The following NTN1 variants were observed in gnomAD, a reference collection of about 807,000 sequenced individuals.
NTN1 encodes the protein netrin 1, also known as netrin-1.
NTN1 carries 11 observed loss-of-function variants against 54.2 expected under a neutral mutation model. The observed-to-expected ratio is 0.20, with a 90% CI of 0.13 to 0.34. NTN1 has a LOEUF of 0.34. NTN1 is among the 10% of genes least tolerant of loss of function. NTN1 has a pLI of 1.00. For missense variants in NTN1, 740 were observed against 893.1 expected (o/e 0.83, Z 2.18); for synonymous variants, 371 against 382.0 (o/e 0.97, Z 0.33).
chr17:9,234,367 C>T (rs1309684093), intron 6 of NTN1, among the ~76,000 whole-genome samples: 1 of 152,220 alleles, frequency 6.6e-6, no homozygotes, highest in East Asian at 1.9e-4. Flanking sequence ...GTTTACTGCA[C>T]AGACGAGGGG....
intron 2 of NTN1, among the ~76,000 whole-genome samples, chr17:9,123,703 T>C (rs2092237669): frequency 1.3e-5 from 2 of 152,216 alleles, no homozygotes; most frequent in African/African-American, 2.4e-5. Flanking sequence ...CACCACTTAC[T>C]ACCCAGTGTG....
chr17:9,152,030 A>G (rs1265700905), intron 2 of NTN1, among the ~76,000 whole-genome samples: 1 of 151,810 alleles, frequency 6.6e-6, no homozygotes, highest in Non-Finnish European at 1.5e-5. Context: ...GGCAGGGACA[A>G]ATAAGGGAAT....
At chr17:9,018,623 TA>T (rs57153983), upstream of NTN1, among the ~76,000 whole-genome samples, 47,752 of 112,266 alleles carry the variant, frequency 0.43, 9,892 homozygotes, top group African/African-American at 0.58. Context: ...GACTCCATCT[TA>T]AAAAAAAAAA....
At chr17:9,182,886 C>T (rs1050690349) in intron 4 of NTN1, 30 bp from the exon 5 acceptor site, 8 of 1,612,200 alleles carry the variant, frequency 5.0e-6, no homozygotes, top group Admixed American at 3.3e-5. Flanking sequence ...TTTCTCTCCT[C>T]CCCTCGCCCC....
At chr17:9,166,220 C>T (rs1397197516) in intron 3 of NTN1, among the ~76,000 whole-genome samples, 1 of 130,748 alleles carries the variant, frequency 7.6e-6, no homozygotes, top group African/African-American at 2.9e-5. Flanking sequence ...GCACCTCCTG[C>T]CTTGTATTCC....
intron 6 of NTN1, among the ~76,000 whole-genome samples, chr17:9,227,377 CA>C (rs1905611169): frequency 1.9e-5 from 1 of 53,264 alleles, no homozygotes; most frequent in South Asian, 5.9e-4. Flanking sequence ...CACACCATCA[CA>C]CACCACACAC....
intron 2 of NTN1, among the ~76,000 whole-genome samples, chr17:9,070,237 T>C (rs1347415419): frequency 6.6e-6 from 1 of 152,170 alleles, no homozygotes; most frequent in Non-Finnish European, 1.5e-5. Context: ...TTAAATGAGT[T>C]AATTCAGGGG....
chr17:9,225,711 A>G (rs9894834), intron 6 of NTN1, among the ~76,000 whole-genome samples: 82,887 of 151,428 alleles, frequency 0.55, 22,593 homozygotes, highest in East Asian at 0.61. Context: ...AGGCCGCCAA[A>G]CCGGGCGGGC....
At chr17:9,112,669 C>A (rs1012365384) in intron 2 of NTN1, among the ~76,000 whole-genome samples, 1 of 151,308 alleles carries the variant, frequency 6.6e-6, no homozygotes. Context: ...ACTAAAAATA[C>A]AAAAAATTAG....
intron 2 of NTN1, among the ~76,000 whole-genome samples, chr17:9,102,450 C>T (rs1378580838): frequency 6.6e-6 from 1 of 152,142 alleles, no homozygotes; most frequent in South Asian, 2.1e-4. Context: ...GGAAACTGCC[C>T]CCATGATTCA....
rs59456522 is a variant in NTN1, at chr17:9,114,166, A to ATATATAT, written c.1019-48647_1019-48646insTATATAT. 4.5e-3 allele frequency among the ~76,000 whole-genome samples: 335 copies of ATATATAT among 74,508 alleles called. 6 individuals are homozygous for ATATATAT. Among genetic ancestry groups the ATATATAT allele is most frequent in the African/African-American group, 0.013 (224 of 17,108 alleles). 48.9% of individuals were successfully genotyped at this position (74,508 alleles called of 152,430 possible). On this transcript the variant is annotated intron_variant, in intron 2 of 6. Transcript: ENST00000173229. Reference sequence around the variant, plus strand: ...GCCAAAAAAAAAGAAAAAAAAAAAAAATATATATATATATATATATGATTC... The same window carrying ATATATAT: ...GCCAAAAAAAAAGAAAAAAAAAAAAATATATATATATATATATATATATATATGATTC...
At chr17:9,088,553 G>A (rs1296865916) in intron 2 of NTN1, among the ~76,000 whole-genome samples, 2 of 152,106 alleles carry the variant, frequency 1.3e-5, no homozygotes, top group Non-Finnish European at 2.9e-5. Context: ...CAGACGGATG[G>A]GTGGATGGGC....
At chr17:9,041,893 C>T (rs993580893) in intron 2 of NTN1, among the ~76,000 whole-genome samples, 4 of 151,976 alleles carry the variant, frequency 2.6e-5, no homozygotes, top group Admixed American at 1.3e-4. Flanking sequence ...TCTGTAGTCC[C>T]AGCCACTCGG....
At chr17:9,043,421 T>C (rs2151513841) in intron 2 of NTN1, among the ~76,000 whole-genome samples, 1 of 152,334 alleles carries the variant, frequency 6.6e-6, no homozygotes, top group Non-Finnish European at 1.5e-5. Flanking sequence ...AGTTAAGAAA[T>C]TTAGCTTGCC....
At chr17:9,005,474 G>A in the NTN1 span, among the ~76,000 whole-genome samples, 809 of 119,582 alleles carry the variant, frequency 6.8e-3, 7 homozygotes, top group African/African-American at 0.024. Context: ...CCTCCCCACC[G>A]CTGCCCCACA....
At chr17:9,130,814 A>G (rs1330268590) in intron 2 of NTN1, among the ~76,000 whole-genome samples, 2 of 151,992 alleles carry the variant, frequency 1.3e-5, no homozygotes, top group African/African-American at 4.8e-5. Flanking sequence ...GCTCCACACC[A>G]TCTCCCCACC....
At chr17:9,164,019 G>A (rs986693734) in intron 3 of NTN1, among the ~76,000 whole-genome samples, 1 of 152,264 alleles carries the variant, frequency 6.6e-6, no homozygotes, top group African/African-American at 2.4e-5. Flanking sequence ...GTGGCGTCCT[G>A]CAGGAGAGAA....
At chr17:9,026,214 C>T (rs2091870033) in intron 2 of NTN1, among the ~76,000 whole-genome samples, 1 of 152,142 alleles carries the variant, frequency 6.6e-6, no homozygotes, top group Admixed American at 6.5e-5. Flanking sequence ...TTTGACTGAA[C>T]AGTCCTTCGA....
intron 2 of NTN1, 101 bp downstream of exon 2, chr17:9,023,492 C>A: frequency 7.9e-7 from 1 of 1,266,936 alleles, no homozygotes; most frequent in Non-Finnish European, 1.0e-6. Context: ...GTCGAGGGAA[C>A]GGCGGGAGGC....
Sources: allele counts gnomAD v4.1 joint callset (sites outside exome capture counted in the v4.1 genomes callset), GRCh38; gene constraint gnomAD v4.1.1; transcripts MANE v1.5; gene names NCBI Gene and HGNC (gene_info 2026-07-23, HGNC 2026-07-21).